Variants in PTPRD observed in about 807,000 individuals in gnomAD.
PTPRD encodes protein tyrosine phosphatase receptor type D.
PTPRD carries 34 observed loss-of-function variants against 214.5 expected under a neutral mutation model. The ratio of observed to expected loss-of-function variants is 0.16; its 90% CI spans 0.12 to 0.21. The LOEUF (loss-of-function observed/expected upper bound fraction) is 0.21. Ranked by LOEUF, PTPRD falls within the 10% of genes least tolerant of loss-of-function variation. The pLI, the probability that PTPRD is intolerant of heterozygous loss-of-function variation, is 1.00. For synonymous variants in PTPRD, 1,128 were observed against 845.7 expected (o/e 1.33, Z -5.79); for missense variants, 2,545 against 2,398.7 (o/e 1.06, Z -1.27).
chr9:10,201,772 G>C (rs544697331), intron 3 of PTPRD, among the ~76,000 whole-genome samples: 1 of 152,120 alleles, frequency 6.6e-6, no homozygotes, highest in South Asian at 2.1e-4. Context: ...ATGAATGTAT[G>C]CGATTATGAT....
chr9:8,452,833 G>T (rs2096013746), intron 33 of PTPRD, among the ~76,000 whole-genome samples: 1 of 151,906 alleles, frequency 6.6e-6, no homozygotes, highest in Non-Finnish European at 1.5e-5. Flanking sequence ...TCTCATCTGG[G>T]GGGAAGAAAA....
intron 8 of PTPRD, among the ~76,000 whole-genome samples, chr9:9,546,992 G>C (rs908769665): frequency 4.6e-5 from 7 of 150,922 alleles, no homozygotes; most frequent in Non-Finnish European, 8.9e-5. Context: ...AAAATAAAAA[G>C]ACAAAAAATA....
At chr9:10,509,290 T>A (rs1296900466) in intron 2 of PTPRD, among the ~76,000 whole-genome samples, 2 of 151,842 alleles carry the variant, frequency 1.3e-5, no homozygotes, top group Non-Finnish European at 2.9e-5. Context: ...CTCTGTGTAG[T>A]AATTTATTTG....
intron 2 of PTPRD, among the ~76,000 whole-genome samples, chr9:10,537,919 AC>A (rs936299759): frequency 6.6e-6 from 1 of 152,052 alleles, no homozygotes; most frequent in Non-Finnish European, 1.5e-5. Context: ...TCAGGCCCCA[AC>A]CCAGTCGAAC....
chr9:9,271,042 T>G lies in PTPRD; in HGVS notation c.-202-87679A>C, dbSNP rs146813752. On this transcript the variant is annotated intron_variant, in intron 9 of 45. Coordinates refer to ENST00000381196, the MANE Select transcript of PTPRD (RefSeq NM_002839.4). The stretch of plus-strand genomic sequence containing the variant: ...TATTTTGATCATGTTAAGTTTAAAG[T>G]GCTTATGCGGCTTCCAGGTGGAGAT... Among the ~76,000 whole-genome samples, 370 of 151,380 alleles carry G rather than the reference T, an allele frequency of 2.4e-3. 5 individuals are homozygous for G. The highest frequency in any genetic ancestry group is 5.0e-4 in the Non-Finnish European group (34 of 67,546).
intron 5 of PTPRD, among the ~76,000 whole-genome samples, chr9:9,934,936 A>G (rs1016719201): frequency 5.9e-5 from 9 of 152,232 alleles, no homozygotes; most frequent in African/African-American, 2.2e-4. Context: ...GCAAATCAAT[A>G]AATATAATCC....
chr9:8,816,865 C>A (rs1427562390), intron 11 of PTPRD, among the ~76,000 whole-genome samples: 1 of 152,166 alleles, frequency 6.6e-6, no homozygotes, highest in African/African-American at 2.4e-5. Flanking sequence ...CTTTCCTCAC[C>A]TTCTAAGGAA....
intron 14 of PTPRD, among the ~76,000 whole-genome samples, chr9:8,544,690 G>A (rs970238063): frequency 6.7e-6 from 1 of 149,080 alleles, no homozygotes; most frequent in East Asian, 2.0e-4. Flanking sequence ...GGCTGATCTG[G>A]AACTCCCGAA....
intron 6 of PTPRD, among the ~76,000 whole-genome samples, chr9:9,753,651 G>C (rs920192741): frequency 6.6e-6 from 1 of 151,970 alleles, no homozygotes; most frequent in Admixed American, 6.6e-5. Flanking sequence ...ACAAGAGTTG[G>C]TGTGATCCAC....
intron 12 of PTPRD, among the ~76,000 whole-genome samples, chr9:8,659,263 CTG>C (rs1205795934): frequency 6.6e-6 from 1 of 152,166 alleles, no homozygotes; most frequent in Non-Finnish European, 1.5e-5. Context: ...GACACTTTGG[CTG>C]CAAGAATCTC....
intron 14 of PTPRD, among the ~76,000 whole-genome samples, chr9:8,608,407 C>T (rs2095319064): frequency 1.3e-5 from 2 of 152,174 alleles, no homozygotes; most frequent in Non-Finnish European, 2.9e-5. Flanking sequence ...GAGGTATTTC[C>T]AAACTCTAGA....
chr9:8,544,164 CTTT>C (rs373194856), intron 14 of PTPRD, among the ~76,000 whole-genome samples: 311 of 111,110 alleles, frequency 2.8e-3, no homozygotes, highest in Middle Eastern at 4.6e-3. Context: ...TTTGCCATTA[CTTT>C]TTTTTTTTTT....
In PTPRD at chr9:8,480,264, C is replaced by T. The variant is rs183402706; in HGVS notation, c.3413+3855G>A. ...AGAGACGCTCTATCCTCTGAGTGAA[C>T]GGCTGTCTCTCCACTCCCACTCCCA... is the stretch of plus-strand genomic sequence containing the variant. On this transcript the variant is annotated intron_variant, in intron 30 of 45. Coordinates refer to ENST00000381196, the MANE Select transcript of PTPRD (RefSeq NM_002839.4). Among the ~76,000 whole-genome samples, 656 of 152,274 alleles carry T rather than the reference C, an allele frequency of 4.3e-3. 5 individuals are homozygous for T. The highest frequency in any genetic ancestry group is 0.015 in the African/African-American group (626 of 41,546).
intron 7 of PTPRD, among the ~76,000 whole-genome samples, chr9:9,653,267 G>A (rs184618709): frequency 9.8e-5 from 14 of 142,148 alleles, no homozygotes; most frequent in African/African-American, 3.2e-4. Flanking sequence ...GCGTGAACCC[G>A]GGAAGCGGAG....
intron 2 of PTPRD, among the ~76,000 whole-genome samples, chr9:10,413,003 A>C (rs1383538321): frequency 6.6e-6 from 1 of 151,910 alleles, no homozygotes; most frequent in Non-Finnish European, 1.5e-5. Flanking sequence ...CACAACCAAC[A>C]TCATACCAAA....
At chr9:9,685,571 T>A (rs1010624071) in intron 7 of PTPRD, among the ~76,000 whole-genome samples, 3 of 151,372 alleles carry the variant, frequency 2.0e-5, no homozygotes, top group African/African-American at 7.3e-5. Flanking sequence ...AAATAAATCT[T>A]AACAACCAAA....
chr9:8,651,908 G>A lies in PTPRD; in HGVS notation c.65-15064C>T, dbSNP rs370390103. Among the ~76,000 whole-genome samples, 5 of 152,280 alleles carry A rather than the reference G, an allele frequency of 3.3e-5. No homozygotes were observed. The East Asian group carries it at 9.6e-4, about 29-fold the overall frequency. On this transcript the variant is annotated intron_variant, in intron 12 of 45. Transcript: ENST00000381196. ...ATATTCTTGAAACAATTTTCAGTTG[G>A]ATTACTTTTCAAATATCAAGTCCCT...
At chr9:9,610,720 T>C (rs1220222848) in intron 7 of PTPRD, among the ~76,000 whole-genome samples, 1 of 152,194 alleles carries the variant, frequency 6.6e-6, no homozygotes, top group Non-Finnish European at 1.5e-5. Context: ...AGTATAATTA[T>C]TGTTCTGATT....
At chr9:9,997,234 CTT>C (rs1309543548) in intron 4 of PTPRD, among the ~76,000 whole-genome samples, 2 of 150,556 alleles carry the variant, frequency 1.3e-5, no homozygotes, top group East Asian at 1.9e-4. Flanking sequence ...ACTAGGGAGA[CTT>C]AACATTTGAA....
Sources: allele counts gnomAD v4.1 joint callset (sites outside exome capture counted in the v4.1 genomes callset), GRCh38; gene constraint gnomAD v4.1.1; transcripts MANE v1.5; gene names NCBI Gene and HGNC (gene_info 2026-07-23, HGNC 2026-07-21).